Variants in CLIC4 observed in about 807,000 individuals in gnomAD.
CLIC4 encodes the protein CLIC family member 4.
In CLIC4, 13 loss-of-function variants were observed where a neutral mutation model predicts 24.6. That is an observed-to-expected ratio of 0.53 (90% CI 0.34 to 0.84). CLIC4 has a LOEUF of 0.84. CLIC4 is among the 40% of genes least tolerant of loss of function. CLIC4 has a pLI of 0.01. For missense variants in CLIC4, 227 were observed against 301.7 expected, an observed-to-expected ratio of 0.75 and a Z score of 1.83; for synonymous variants, 104 against 111.3, an observed-to-expected ratio of 0.93 and a Z score of 0.41.
At chr1:24,810,092 A>G (rs1571256043) in intron 2 of CLIC4, among the ~76,000 whole-genome samples, 1 of 152,212 alleles carries the variant, frequency 6.6e-6, no homozygotes, top group Non-Finnish European at 1.5e-5. Flanking sequence ...GCTAGACATC[A>G]TGTCGTTTCA....
At chr1:24,836,610 G>A (rs572913758) in intron 4 of CLIC4, among the ~76,000 whole-genome samples, 4 of 152,304 alleles carry the variant, frequency 2.6e-5, no homozygotes, top group African/African-American at 9.6e-5. Flanking sequence ...GGCTGAGGTG[G>A]GCAGATCACT....
chr1:24,778,001 G>T (rs1369442473), intron 1 of CLIC4: 1 of 152,136 alleles, frequency 6.6e-6, no homozygotes, highest in Non-Finnish European at 1.5e-5. Flanking sequence ...CTTCAATATG[G>T]CTGCTAGAAA....
intron 1 of CLIC4, among the ~76,000 whole-genome samples, chr1:24,792,468 G>C (rs1029297174): frequency 1.3e-5 from 2 of 152,118 alleles, no homozygotes; most frequent in South Asian, 4.1e-4. Context: ...TTGGGATTAC[G>C]GGCATGAACT....
At chr1:24,758,037 G>T (rs1418725843) in intron 1 of CLIC4, among the ~76,000 whole-genome samples, 2 of 152,116 alleles carry the variant, frequency 1.3e-5, no homozygotes, top group Non-Finnish European at 1.5e-5. Context: ...GTGATTACAG[G>T]TGTGAGCCAC....
At chr1:24,761,093 A>G (rs113914661) in intron 1 of CLIC4, among the ~76,000 whole-genome samples, 3,189 of 152,248 alleles carry the variant, frequency 0.021, 103 homozygotes, top group African/African-American at 0.073. Context: ...GAGAAAGAGG[A>G]GTTAAAGATG....
intron 2 of CLIC4, among the ~76,000 whole-genome samples, chr1:24,803,944 A>G (rs768511310): frequency 6.6e-6 from 1 of 152,222 alleles, no homozygotes; most frequent in African/African-American, 2.4e-5. Context: ...AAATGTTACA[A>G]TGGAACTATG....
At chr1:24,805,923 A>G (rs1368557160) in intron 2 of CLIC4, among the ~76,000 whole-genome samples, 1 of 152,174 alleles carries the variant, frequency 6.6e-6, no homozygotes, top group East Asian at 1.9e-4. Flanking sequence ...TCATCTAGAA[A>G]AAAAATGGGA....
At chr1:24,837,096 A>G (rs1639893388) in intron 4 of CLIC4, among the ~76,000 whole-genome samples, 3 of 152,218 alleles carry the variant, frequency 2.0e-5, no homozygotes, top group Non-Finnish European at 4.4e-5. Flanking sequence ...AGGAAGTAGA[A>G]AACAAACATG....
At chr1:24,785,332 A>T (rs1266300584) in intron 1 of CLIC4, among the ~76,000 whole-genome samples, 2 of 152,158 alleles carry the variant, frequency 1.3e-5, no homozygotes, top group South Asian at 4.1e-4. Context: ...TGTGTATCCT[A>T]ACTTATTTGA....
intron 4 of CLIC4, among the ~76,000 whole-genome samples, chr1:24,830,645 G>A (rs1360002147): frequency 1.3e-5 from 2 of 152,144 alleles, no homozygotes; most frequent in African/African-American, 4.8e-5. Flanking sequence ...GGACCCTGGT[G>A]TGTGTTAATC....
At chr1:24,751,992 T>C (rs1410023751) in intron 1 of CLIC4, among the ~76,000 whole-genome samples, 1 of 152,210 alleles carries the variant, frequency 6.6e-6, no homozygotes, top group African/African-American at 2.4e-5. Flanking sequence ...GTCACCAAGC[T>C]GCTGGGATTG....
intron 1 of CLIC4, among the ~76,000 whole-genome samples, chr1:24,747,440 AG>A (rs1638714102): frequency 6.7e-6 from 1 of 148,204 alleles, no homozygotes; most frequent in Admixed American, 6.9e-5. Context: ...AGGCTGAGGC[AG>A]GAGAATTGCT....
intron 2 of CLIC4, 55 bp downstream of exon 2, chr1:24,797,906 G>C (rs952461804): frequency 4.1e-6 from 5 of 1,230,400 alleles, no homozygotes; most frequent in Non-Finnish European, 5.9e-6. Flanking sequence ...TTTTCAGTTT[G>C]ATCCTATTTT....
At chr1:24,760,252 G>A (rs770408436) in intron 1 of CLIC4, among the ~76,000 whole-genome samples, 8 of 151,956 alleles carry the variant, frequency 5.3e-5, no homozygotes, top group Non-Finnish European at 1.2e-4. Flanking sequence ...TGTAATTTCA[G>A]CTACTTGGGA....
intron 1 of CLIC4, among the ~76,000 whole-genome samples, chr1:24,777,183 A>T (rs1396019309): frequency 1.3e-5 from 2 of 152,072 alleles, no homozygotes; most frequent in African/African-American, 4.8e-5. Context: ...CATTTCCGTT[A>T]ATTTTCTATT....
At chr1:24,798,893 A>G (rs916840937) in intron 2 of CLIC4, among the ~76,000 whole-genome samples, 29 of 152,254 alleles carry the variant, frequency 1.9e-4, no homozygotes, top group Admixed American at 1.5e-3. Flanking sequence ...GTGATCCGCC[A>G]GCCTCGGCCT....
At position 24,763,715 on chromosome 1, in the gene CLIC4, C is replaced by A. The variant is rs566394400; in HGVS notation, c.72+18090C>A. Among the ~76,000 whole-genome samples, 4 of 152,222 alleles carry A rather than the reference C, an allele frequency of 2.6e-5. No individual in the cohort carries two copies. In the South Asian group the frequency reaches 8.3e-4, roughly 32 times the overall value. On this transcript the variant is annotated intron_variant, in intron 1 of 5. Coordinates refer to ENST00000374379, the MANE Select transcript of CLIC4 (RefSeq NM_013943.3). ...TATGAGCTATCTTGTTTCCCTGAAG[C>A]AACCTTTCCCATCTCTTCCATTCCC...
intron 1 of CLIC4, among the ~76,000 whole-genome samples, chr1:24,759,275 A>G (rs1444930146): frequency 6.6e-6 from 1 of 152,234 alleles, no homozygotes; most frequent in Non-Finnish European, 1.5e-5. Context: ...AGCACAGTAT[A>G]GGGGATCATA....
intron 1 of CLIC4, chr1:24,793,255 T>TA (rs1639361975): frequency 3.3e-5 from 5 of 152,086 alleles, no homozygotes; most frequent in Admixed American, 3.3e-4. Context: ...AATCCACTTG[T>TA]GTGTTATCAG....
Sources: allele counts gnomAD v4.1 joint callset (sites outside exome capture counted in the v4.1 genomes callset), GRCh38; gene constraint gnomAD v4.1.1; transcripts MANE v1.5; gene names NCBI Gene and HGNC (gene_info 2026-07-23, HGNC 2026-07-21).